Variants in CNTN4 observed in about 807,000 individuals in gnomAD.
CNTN4 encodes contactin-4.
A neutral mutation model predicts 122.5 loss-of-function variants in CNTN4; 77 were observed. The ratio of observed to expected loss-of-function variants is 0.63; its 90% CI spans 0.52 to 0.76. The LOEUF is 0.76. CNTN4 is among the 30% of genes least tolerant of loss of function. CNTN4 has a pLI of 0.00. For missense variants in CNTN4, 1,256 were observed against 1,259.1 expected (o/e 1.00, Z 0.04); for synonymous variants, 512 against 447.0 (o/e 1.15, Z -1.83).
intron 3 of CNTN4, among the ~76,000 whole-genome samples, chr3:2,341,589 A>G (rs1226219646): frequency 6.6e-6 from 1 of 152,118 alleles, no homozygotes; most frequent in Non-Finnish European, 1.5e-5. Flanking sequence ...TGCCCCTTGG[A>G]CTCTACTCAA....
At chr3:2,996,481 A>G (rs1419488278) in intron 14 of CNTN4, among the ~76,000 whole-genome samples, 1 of 152,198 alleles carries the variant, frequency 6.6e-6, no homozygotes. Flanking sequence ...TTGTAAGGAA[A>G]AAACTCTCCT....
At chr3:2,562,209 A>G (rs1440037932) in intron 3 of CNTN4, among the ~76,000 whole-genome samples, 3 of 152,194 alleles carry the variant, frequency 2.0e-5, no homozygotes, top group Non-Finnish European at 4.4e-5. Flanking sequence ...AATATCCACA[A>G]TCTTAAGTCA....
At chr3:2,837,299 G>A (rs143926469) in intron 7 of CNTN4, among the ~76,000 whole-genome samples, 11 of 152,278 alleles carry the variant, frequency 7.2e-5, no homozygotes, top group African/African-American at 2.4e-4. Flanking sequence ...TGCAAACCAC[G>A]TAGTTCTTTT....
chr3:2,164,242 C>A (rs912646275), intron 2 of CNTN4, among the ~76,000 whole-genome samples: 28 of 150,952 alleles, frequency 1.9e-4, no homozygotes, highest in Admixed American at 5.9e-4. Flanking sequence ...AAAAAAAAAA[C>A]AACAACAAAG....
At chr3:2,336,693 A>T (rs1502577) in intron 2 of CNTN4, among the ~76,000 whole-genome samples, 51,580 of 151,958 alleles carry the variant, frequency 0.34, 9,698 homozygotes, top group East Asian at 0.8. Context: ...AATTATAGCT[A>T]AAACCTAACC....
intron 2 of CNTN4, among the ~76,000 whole-genome samples, chr3:2,271,817 T>C (rs148983515): frequency 3.2e-4 from 48 of 152,294 alleles, no homozygotes; most frequent in African/African-American, 1.1e-3. Context: ...ACATCTGAGA[T>C]TTATTCATCA....
intron 15 of CNTN4, among the ~76,000 whole-genome samples, chr3:3,028,188 T>C (rs931893505): frequency 3.9e-5 from 6 of 152,178 alleles, no homozygotes; most frequent in African/African-American, 1.4e-4. Context: ...TTTATAAAAG[T>C]TATTATTTCA....
chr3:2,725,515 A>T (rs1365213286), intron 4 of CNTN4, among the ~76,000 whole-genome samples: 2 of 152,194 alleles, frequency 1.3e-5, no homozygotes, highest in Non-Finnish European at 2.9e-5. Flanking sequence ...TATGAATTCC[A>T]GCTTGAATCT....
intron 4 of CNTN4, among the ~76,000 whole-genome samples, chr3:2,714,936 C>G (rs762177042): frequency 7.2e-5 from 11 of 152,162 alleles, no homozygotes; most frequent in Non-Finnish European, 1.5e-4. Context: ...GGTTGGGCAA[C>G]TTGCTTTGGA....
intron 8 of CNTN4, among the ~76,000 whole-genome samples, chr3:2,881,437 C>T (rs543782775): frequency 9.9e-5 from 15 of 151,140 alleles, no homozygotes; most frequent in Non-Finnish European, 2.1e-4. Context: ...TGCTTGAACC[C>T]GGGAGGCGGA....
At chr3:2,547,547 G>A (rs888306174) in intron 3 of CNTN4, among the ~76,000 whole-genome samples, 2 of 152,060 alleles carry the variant, frequency 1.3e-5, no homozygotes, top group South Asian at 4.1e-4. Flanking sequence ...TTGCAGGCGT[G>A]AGCCATCATG....
At chr3:2,632,099 T>G (rs1285081769) in intron 4 of CNTN4, among the ~76,000 whole-genome samples, 1 of 148,794 alleles carries the variant, frequency 6.7e-6, no homozygotes, top group Non-Finnish European at 1.5e-5. Flanking sequence ...TGTGTATGTA[T>G]GTATGTATAT....
chr3:2,855,869 G>C (rs2093612636), intron 7 of CNTN4, among the ~76,000 whole-genome samples: 1 of 152,194 alleles, frequency 6.6e-6, no homozygotes. Context: ...TAAATGGAAA[G>C]GGAAGGATTT....
chr3:2,246,791 T>C (rs1575165073), intron 2 of CNTN4, among the ~76,000 whole-genome samples: 2 of 151,938 alleles, frequency 1.3e-5, no homozygotes, highest in East Asian at 3.9e-4. Flanking sequence ...TGAAGTTTGA[T>C]GGGGCATTCA....
intron 3 of CNTN4, among the ~76,000 whole-genome samples, chr3:2,387,292 C>T (rs770050189): frequency 6.6e-6 from 1 of 152,054 alleles, no homozygotes; most frequent in Admixed American, 6.6e-5. Context: ...CTTTGTGAAG[C>T]AGTTGGCAAA....
intron 8 of CNTN4, among the ~76,000 whole-genome samples, chr3:2,872,417 G>A (rs955537797): frequency 6.6e-6 from 1 of 151,484 alleles, no homozygotes; most frequent in Admixed American, 6.6e-5. Flanking sequence ...CTTTTTTTCT[G>A]TTTTCCTGGA....
At chr3:2,190,121 T>C (rs1321734702) in intron 2 of CNTN4, among the ~76,000 whole-genome samples, 3 of 152,188 alleles carry the variant, frequency 2.0e-5, no homozygotes, top group African/African-American at 4.8e-5. Context: ...TGTGTGAGCG[T>C]TGGCAAGAAG....
intron 2 of CNTN4, among the ~76,000 whole-genome samples, chr3:2,117,931 T>C (rs2033471779): frequency 6.6e-6 from 1 of 152,210 alleles, no homozygotes; most frequent in African/African-American, 2.4e-5. Flanking sequence ...TGTATCATCC[T>C]ATGTTTAGAG....
At chr3:2,451,098 A>G (rs1157839809) in intron 3 of CNTN4, among the ~76,000 whole-genome samples, 11 of 152,184 alleles carry the variant, frequency 7.2e-5, no homozygotes, top group African/African-American at 2.4e-4. Context: ...AAGGGAAGGT[A>G]TTTGGTTTTC....
Sources: allele counts gnomAD v4.1 joint callset (sites outside exome capture counted in the v4.1 genomes callset), GRCh38; gene constraint gnomAD v4.1.1; transcripts MANE v1.5; gene names NCBI Gene and HGNC (gene_info 2026-07-23, HGNC 2026-07-21).